Variants in METTL24 observed in about 807,000 individuals in gnomAD.
METTL24 encodes the protein probable methyltransferase-like protein 24.
Under a neutral mutation model 32.7 loss-of-function variants are expected in METTL24, and 29 were observed. The ratio of observed to expected loss-of-function variants is 0.89; its 90% CI spans 0.66 to 1.21. METTL24 has a LOEUF of 1.21. Among genes scored for constraint, METTL24 ranks in the 50% most tolerant of loss-of-function variants. The pLI is 0.00. For missense variants in METTL24, 439 were observed against 468.1 expected (o/e 0.94, Z 0.57); for synonymous variants, 163 against 179.5 (o/e 0.91, Z 0.73).
In METTL24 at chr6:110,315,323, T is replaced by A; in HGVS notation, c.557+19A>T. Reference sequence around the variant, plus strand: ...AAGCAGTGTTTGTGTTTTCTTCTGCTGTAAAAAAATGTACTCACCCTAAGG... The same window carrying A: ...AAGCAGTGTTTGTGTTTTCTTCTGCAGTAAAAAAATGTACTCACCCTAAGG... On this transcript the variant is annotated intron_variant, in intron 3 of 4. Coordinates refer to ENST00000338882, the MANE Select transcript of METTL24 (RefSeq NM_001123364.3). 1.2e-6 allele frequency: 2 copies of A among 1,613,582 alleles called. No homozygotes were observed. The highest frequency in any genetic ancestry group is 8.5e-7 in the Non-Finnish European group (1 of 1,179,874).
At chr6:110,311,817 C>T (rs1356785532) in intron 3 of METTL24, among the ~76,000 whole-genome samples, 1 of 152,144 alleles carries the variant, frequency 6.6e-6, no homozygotes, top group African/African-American at 2.4e-5. Context: ...CAACGGTAAA[C>T]ATTTAAATGA....
intron 4 of METTL24, among the ~76,000 whole-genome samples, chr6:110,271,553 G>C (rs1441507266): frequency 2.0e-5 from 3 of 152,126 alleles, no homozygotes; most frequent in African/African-American, 7.2e-5. Context: ...TTCTTGATCT[G>C]TGTGCTGAAA....
At chr6:110,281,787 T>C (rs964660660) in intron 4 of METTL24, among the ~76,000 whole-genome samples, 5 of 151,092 alleles carry the variant, frequency 3.3e-5, no homozygotes. Context: ...GGTGCTATAC[T>C]TGATATGTCC....
chr6:110,319,101 G>C (rs939044428), intron 2 of METTL24, among the ~76,000 whole-genome samples: 1 of 152,130 alleles, frequency 6.6e-6, no homozygotes, highest in African/African-American at 2.4e-5. Flanking sequence ...CAACCCATAA[G>C]TAGAATCTGG....
intron 3 of METTL24, among the ~76,000 whole-genome samples, chr6:110,304,333 G>T (rs142023011): frequency 0.15 from 22,710 of 152,168 alleles, 1,985 homozygotes; most frequent in African/African-American, 0.23. Context: ...CAAACTGACA[G>T]AAGTAGGCTT....
At chr6:110,316,922 G>GA (rs548200828) in intron 2 of METTL24, among the ~76,000 whole-genome samples, 74 of 151,496 alleles carry the variant, frequency 4.9e-4, no homozygotes, top group Non-Finnish European at 9.3e-4. Context: ...GAAAAGAAAA[G>GA]AAAAAAAAGA....
chr6:110,298,687 A>C (rs772466510), intron 4 of METTL24, among the ~76,000 whole-genome samples: 13 of 152,200 alleles, frequency 8.5e-5, no homozygotes, highest in Non-Finnish European at 1.5e-4. Context: ...AGTCTTGGAC[A>C]AGACCATTAA....
chr6:110,250,621 A>G (rs115258980), intron 4 of METTL24, among the ~76,000 whole-genome samples: 141 of 149,032 alleles, frequency 9.5e-4, no homozygotes, highest in African/African-American at 3.3e-3. Flanking sequence ...CCCAGGGCCA[A>G]TAGTTAGGAA....
chr6:110,260,341 G>A (rs142817989), intron 4 of METTL24, among the ~76,000 whole-genome samples: 86 of 152,280 alleles, frequency 5.6e-4, no homozygotes, highest in Admixed American at 5.9e-4. Context: ...CAGCTGATTC[G>A]ATCAACTGGA....
intron 1 of METTL24, among the ~76,000 whole-genome samples, chr6:110,335,939 G>T (rs9320326): frequency 0.8 from 121,423 of 152,084 alleles, 48,738 homozygotes; most frequent in African/African-American, 0.86. Flanking sequence ...GAGTTTTATC[G>T]TCCCCAAAGC....
At chr6:110,269,599 G>T (rs1418139802) in intron 4 of METTL24, among the ~76,000 whole-genome samples, 1 of 151,956 alleles carries the variant, frequency 6.6e-6, no homozygotes, top group Admixed American at 6.6e-5. Flanking sequence ...AAAATATTGT[G>T]GTCATTGTAT....
At chr6:110,295,003 TTCTTTCTTTC>T (rs1771384984) in intron 4 of METTL24, among the ~76,000 whole-genome samples, 1 of 147,128 alleles carries the variant, frequency 6.8e-6, no homozygotes, top group African/African-American at 2.6e-5. Context: ...TTTTCTTTTT[TTCTTTCTTTC>T]TTTTTTTTTT....
intron 1 of METTL24, among the ~76,000 whole-genome samples, chr6:110,329,242 T>A (rs898036164): frequency 6.6e-6 from 1 of 152,160 alleles, no homozygotes; most frequent in African/African-American, 2.4e-5. Flanking sequence ...TGGCTAACCA[T>A]CAATTCTGTG....
intron 3 of METTL24, among the ~76,000 whole-genome samples, chr6:110,314,708 T>G (rs1206440154): frequency 6.6e-6 from 1 of 152,150 alleles, no homozygotes; most frequent in African/African-American, 2.4e-5. Flanking sequence ...ACACCTGTAA[T>G]CCCAGCGCTT....
Position 110,245,933 on chromosome 6 carries a change from G to T in METTL24, c.*13C>A. 1 of 1,593,846 alleles carries T rather than the reference G, an allele frequency of 6.3e-7. No individual in the cohort carries two copies. Among genetic ancestry groups the T allele is most frequent in the South Asian group, 1.1e-5 (1 of 88,122 alleles). On this transcript the variant is annotated 3_prime_UTR_variant, in exon 5 of 5. Transcript: ENST00000338882. ...GCAAATATTTTCTTGTGCTCTTGAT[G>T]ACATCCTGCATCCTATTTCCATCTT...
chr6:110,346,921 CA>C (rs957335900), intron 1 of METTL24, among the ~76,000 whole-genome samples: 2 of 152,088 alleles, frequency 1.3e-5, no homozygotes, highest in African/African-American at 4.8e-5. Flanking sequence ...TATGTAAATA[CA>C]TTTTTTTTGA....
chr6:110,279,111 A>C (rs964162658), intron 4 of METTL24, among the ~76,000 whole-genome samples: 1 of 152,208 alleles, frequency 6.6e-6, no homozygotes, highest in Admixed American at 6.5e-5. Flanking sequence ...AAAGATGCTC[A>C]CTAACAGCAT....
At chr6:110,284,324 A>G (rs1771183871) in intron 4 of METTL24, among the ~76,000 whole-genome samples, 1 of 152,202 alleles carries the variant, frequency 6.6e-6, no homozygotes, top group African/African-American at 2.4e-5. Context: ...TGAACTGTAC[A>G]CTTAAAAATG....
intron 4 of METTL24, among the ~76,000 whole-genome samples, chr6:110,252,220 A>T (rs1778294666): frequency 6.6e-6 from 1 of 152,212 alleles, no homozygotes. Context: ...AAAACATTTA[A>T]ACCAAAGCAG....
Sources: allele counts gnomAD v4.1 joint callset (sites outside exome capture counted in the v4.1 genomes callset), GRCh38; gene constraint gnomAD v4.1.1; transcripts MANE v1.5; gene names NCBI Gene and HGNC (gene_info 2026-07-23, HGNC 2026-07-21).